The following FBL variants were observed in gnomAD, a reference collection of about 807,000 sequenced individuals.
FBL encodes the protein fibrillarin rRNA 2'-O-methyltransferase.
In FBL, 10 loss-of-function variants were observed where a neutral mutation model predicts 42.2. The observed-to-expected ratio is 0.24, with a 90% CI of 0.15 to 0.40. The LOEUF (loss-of-function observed/expected upper bound fraction) is 0.40. FBL is among the 10% of genes least tolerant of loss of function. FBL has a pLI of 1.00. For synonymous variants in FBL, 165 were observed against 165.4 expected, an observed-to-expected ratio of 1.00 and a Z score of 0.02; for missense variants, 351 against 439.2, an observed-to-expected ratio of 0.80 and a Z score of 1.79.
rs1969129384 is a variant in FBL, at chr19:39,840,092, T to G, written c.378+141A>C. 1 of 651,248 alleles carries G rather than the reference T, an allele frequency of 1.5e-6. No individual in the cohort carries two copies. The highest frequency in any genetic ancestry group is 2.5e-5 in the Admixed American group (1 of 40,128). 40.3% of individuals were successfully genotyped at this position (651,248 alleles called of 1,614,324 possible). On this transcript the variant is annotated intron_variant, in intron 4 of 8. Transcript: ENST00000221801. The surrounding 1 kb of genome is among the most constrained non-coding windows in gnomAD (Gnocchi z 4.5). ...GCCGTGGGGAGTCACAGAAGGCGGA[T>G]GAGGGAGCAGACAGTGTGGTTTACA...
intron 7 of FBL, among the ~76,000 whole-genome samples, chr19:39,836,103 T>G (rs1969042542): frequency 6.6e-6 from 1 of 152,036 alleles, no homozygotes; most frequent in Admixed American, 6.6e-5. Flanking sequence ...AAAACAAATG[T>G]AGCAAAAGGC....
In FBL at chr19:39,834,798, A is replaced by C; in HGVS notation, c.811T>G (p.Ser271Ala). ...AACACGGCCTCGGCTGAGGCTGTGG[A>C]GTCAATGCAGTTGGCCTAAAGAGGA... The part of the protein sequence containing the change: ...VISIKANCID[S>A]TASAEAVFAS... Residue 271 changes from serine (S) to alanine (A), a missense_variant, in exon 8 of 9, where the codon TCC becomes GCC. Coordinates refer to ENST00000221801, the MANE Select transcript of FBL (RefSeq NM_001436.4). The C allele has an allele frequency of 6.2e-7, 1 of 1,614,176 alleles. No homozygotes were observed. The highest frequency in any genetic ancestry group is 1.1e-5 in the South Asian group (1 of 91,086).
intron 6 of FBL, 99 bp from the exon 7 acceptor site, chr19:39,836,767 T>G: frequency 1.2e-6 from 1 of 828,652 alleles, no homozygotes; most frequent in Non-Finnish European, 1.9e-6. Flanking sequence ...TCCTGGGAGA[T>G]TCTCCCTGCC....
chr19:39,840,871 G>C lies in FBL; in HGVS notation c.11-84C>G. The C allele has an allele frequency of 7.7e-7, 1 of 1,291,222 alleles. No individual in the cohort carries two copies. The highest frequency in any genetic ancestry group is 1.0e-6 in the Non-Finnish European group (1 of 958,638). The allele number at this position is 1,291,222 out of a possible 1,614,324, so 80.0% of individuals were successfully genotyped here. On this transcript the variant is annotated intron_variant, in intron 1 of 8. Transcript: ENST00000221801. This position sits in a 1 kb window ranked among gnomAD's most constrained non-coding sequence, Gnocchi z 4.5. ...GTACCCAGCAATACCTCTCAGGTGAGAAACCTGAAATACATGTGCCCGTGT... is the reference window on the plus strand; with the variant it reads ...GTACCCAGCAATACCTCTCAGGTGACAAACCTGAAATACATGTGCCCGTGT...
chr19:39,835,963 A>G (rs1413327076), intron 7 of FBL, among the ~76,000 whole-genome samples: 1 of 151,924 alleles, frequency 6.6e-6, no homozygotes, highest in Non-Finnish European at 1.5e-5. Context: ...TTTGTTTTGG[A>G]TTTGAAGCAG....
rs185334586 is a variant in FBL at position 39,840,705 on chromosome 19, G to A, written c.93C>T (p.Gly31=). 173 of 1,584,814 alleles carry A rather than the reference G, an allele frequency of 1.1e-4. No individual in the cohort carries two copies. The highest frequency in any genetic ancestry group is 1.4e-4 in the Non-Finnish European group (166 of 1,166,160). The part of the protein sequence containing the change: ...RGGRGGRGGF[G]GGRGRGGGFR... ...AGCCTCCGCCTCGACCTCGGCCCCC[G>A]CCAAAGCCCCCTCGGCCTCCACGAC... Residue 31 remains glycine, a synonymous_variant, in exon 2 of 9, where the codon GGC becomes GGT. Transcript: ENST00000221801. The surrounding 1 kb of genome is among the most constrained non-coding windows in gnomAD (Gnocchi z 4.5).
Position 39,840,793 on chromosome 19 carries a change from G to T in FBL, c.11-6C>A. The T allele has an allele frequency of 6.5e-7, 1 of 1,536,942 alleles. No homozygotes were observed. Among genetic ancestry groups the T allele is most frequent in the East Asian group, 2.4e-5 (1 of 42,224 alleles). On this transcript the variant is annotated splice_region_variant and splice_polypyrimidine_tract_variant and intron_variant, in intron 1 of 8. Transcript: ENST00000221801. The surrounding 1 kb of genome is among the most constrained non-coding windows in gnomAD (Gnocchi z 4.5). ...ACCCCCACGGGGACTGAATCCTGTG[G>T]GGGAAACAAAACAGGAGTCAGGGCA...
rs775468086 is a variant in FBL, at chr19:39,840,372, C to A, written c.283+42G>T. Reference sequence around the variant, plus strand: ...CAGGGGTGAGGACCCCCAGCCTCTCCCTGCCCCGAAGCTCAGCCGGCTCCC... The same window carrying A: ...CAGGGGTGAGGACCCCCAGCCTCTCACTGCCCCGAAGCTCAGCCGGCTCCC... On this transcript the variant is annotated intron_variant, in intron 3 of 8. Transcript: ENST00000221801. The surrounding 1 kb of genome is among the most constrained non-coding windows in gnomAD (Gnocchi z 4.5). The A allele has an allele frequency of 6.2e-7, 1 of 1,612,886 alleles. No homozygotes were observed. The highest frequency in any genetic ancestry group is 1.7e-5 in the Admixed American group (1 of 60,030).
intron 1 of FBL, among the ~76,000 whole-genome samples, chr19:39,841,904 C>T (rs1324026546): frequency 6.6e-6 from 1 of 152,228 alleles, no homozygotes; most frequent in Non-Finnish European, 1.5e-5. Context: ...GGACAACAAA[C>T]ACCATTAGCA....
intron 1 of FBL, among the ~76,000 whole-genome samples, chr19:39,844,723 C>A (rs1481497563): frequency 2.0e-5 from 3 of 152,192 alleles, no homozygotes; most frequent in Non-Finnish European, 4.4e-5. Context: ...AAGCTTCCCA[C>A]CAATGTGCCT....
chr19:39,843,688 T>C (rs1282786636), intron 1 of FBL, among the ~76,000 whole-genome samples: 2 of 152,160 alleles, frequency 1.3e-5, no homozygotes, highest in Non-Finnish European at 2.9e-5. Flanking sequence ...CAAGCATCAA[T>C]TGAACACAGG....
At position 39,840,201 on chromosome 19, in the gene FBL, C is replaced by G. The variant is rs368067848; in HGVS notation, c.378+32G>C. ...TACTGGCTACACCCTCAGCTGCGAC[C>G]CTGGTGGCTTGGACAGGGGCCCAGT... On this transcript the variant is annotated intron_variant, in intron 4 of 8. Coordinates refer to ENST00000221801, the MANE Select transcript of FBL (RefSeq NM_001436.4). This position sits in a 1 kb window ranked among gnomAD's most constrained non-coding sequence, Gnocchi z 4.5. 2.6e-6 allele frequency: 4 copies of G among 1,521,232 alleles called. No individual in the cohort carries two copies. In the African/African-American group the frequency reaches 4.1e-5, roughly 16 times the overall value. The allele number at this position is 1,521,232 out of a possible 1,614,324, so 94.2% of individuals were successfully genotyped here.
chr19:39,840,891 C>G lies in FBL; in HGVS notation c.11-104G>C, dbSNP rs1302688721. 1.8e-6 allele frequency: 2 copies of G among 1,102,074 alleles called. No homozygotes were observed. The highest frequency in any genetic ancestry group is 3.2e-5 in the African/African-American group (2 of 63,164). 68.3% of individuals were successfully genotyped at this position (1,102,074 alleles called of 1,614,324 possible). On this transcript the variant is annotated intron_variant, in intron 1 of 8. Coordinates refer to ENST00000221801, the MANE Select transcript of FBL (RefSeq NM_001436.4). This position sits in a 1 kb window ranked among gnomAD's most constrained non-coding sequence, Gnocchi z 4.5. ...GGTGAGAAACCTGAAATACATGTGC[C>G]CGTGTACAGCAGGACACATTTCCAA...
At position 39,840,479 on chromosome 19, in the gene FBL, C is replaced by A; in HGVS notation, c.218G>T (p.Gly73Val). 6.2e-7 allele frequency: 1 copy of A among 1,614,188 alleles called. No individual in the cohort carries two copies. The highest frequency in any genetic ancestry group is 2.2e-5 in the East Asian group (1 of 44,884). Residue 73 changes from glycine to valine, a missense_variant, in exon 3 of 9, where the codon GGT becomes GTT. Transcript: ENST00000221801. The surrounding 1 kb of genome is among the most constrained non-coding windows in gnomAD (Gnocchi z 4.5). Reference protein sequence around the residue: ...GFHSGGNRGRGRGGKRGNQSG... With the variant: ...GFHSGGNRGRVRGGKRGNQSG... Reference sequence around the variant, plus strand: ...CTGGTTTCCTCTTTTTCCTCCCCGACCACGACCCCGGTTGCCACCAGAATG... The same window carrying A: ...CTGGTTTCCTCTTTTTCCTCCCCGAACACGACCCCGGTTGCCACCAGAATG...
rs145491904 is a variant in FBL, at chr19:39,840,727, C to G, written c.71G>C (p.Arg24Pro). ...CCCGCCAAAGCCCCCTCGGCCTCCA[C>G]GACCACCACGGTCACCAAAGCCCCC... ...GRGGFGDRGG[R>P]GGRGGFGGGR... The change falls in exon 2 of 9, where the codon CGT (arginine) becomes CCT (proline). Residue 24 changes from arginine to proline, a missense_variant. By Grantham distance (103) the Arg-to-Pro change is moderately radical. Transcript: ENST00000221801. The surrounding 1 kb of genome is among the most constrained non-coding windows in gnomAD (Gnocchi z 4.5). 1.2e-5 allele frequency: 19 copies of G among 1,577,174 alleles called. No individual in the cohort carries two copies. Among genetic ancestry groups the G allele is most frequent in the East Asian group, 4.7e-5 (2 of 42,704 alleles).
chr19:39,839,167 G>C lies in FBL; in HGVS notation c.417C>G (p.Pro139=), dbSNP rs764944229. The change falls in exon 5 of 9, where the codon CCC becomes CCG. Residue 139 remains proline, a synonymous_variant. Transcript: ENST00000221801. ...TTGCTGCTGCTAGCTTGGAGCGGAAGGGGTTCCAGGCTCGGTACTCAATTT... is the reference window on the plus strand; with the variant it reads ...TTGCTGCTGCTAGCTTGGAGCGGAACGGGTTCCAGGCTCGGTACTCAATTT... ...DDKIEYRAWN[P]FRSKLAAAIL... is the part of the protein sequence containing the mutation. 60 of 1,613,670 alleles carry C rather than the reference G, an allele frequency of 3.7e-5. No homozygotes were observed. The highest frequency in any genetic ancestry group is 2.3e-4 in the Admixed American group (14 of 59,918).
chr19:39,840,274 G>C lies in FBL; in HGVS notation c.337C>G (p.Pro113Ala). 6.2e-7 allele frequency: 1 copy of C among 1,614,066 alleles called. No homozygotes were observed. The highest frequency in any genetic ancestry group is 1.1e-5 in the South Asian group (1 of 91,080). The change falls in exon 4 of 9, where the codon CCT becomes GCT. Residue 113 changes from proline to alanine, a missense_variant. Pro to Ala is a conservative substitution (Grantham distance 27). Coordinates refer to ENST00000221801, the MANE Select transcript of FBL (RefSeq NM_001436.4). The surrounding 1 kb of genome is among the most constrained non-coding windows in gnomAD (Gnocchi z 4.5). The part of the protein sequence containing the change: ...EDALVTKNLV[P>A]GESVYGEKRV... ...TTCTCTCCATAAACTGATTCCCCAG[G>C]GACCAGGTTCTTGGTGACCAGTGCA...
At position 39,840,438 on chromosome 19, in the gene FBL, T is replaced by C. The variant is rs1447588322; in HGVS notation, c.259A>G (p.Met87Val). ...CCCTCATGCCGATGCGGCTCCACCA[T>C]CACATTCTTCCCCGACTGGTTTCCT... Reference protein sequence around the residue: ...KRGNQSGKNVMVEPHRHEGVF... With the variant: ...KRGNQSGKNVVVEPHRHEGVF... Residue 87 changes from methionine (M) to valine (V), a missense_variant, in exon 3 of 9, where the codon ATG becomes GTG. Met to Val is a conservative substitution (Grantham distance 21, BLOSUM62 1). Coordinates refer to ENST00000221801, the MANE Select transcript of FBL (RefSeq NM_001436.4). This position sits in a 1 kb window ranked among gnomAD's most constrained non-coding sequence, Gnocchi z 4.5. 6.2e-7 allele frequency: 1 copy of C among 1,613,906 alleles called. No homozygotes were observed. Among genetic ancestry groups the C allele is most frequent in the Non-Finnish European group, 8.5e-7 (1 of 1,180,004 alleles).
intron 1 of FBL, among the ~76,000 whole-genome samples, chr19:39,843,982 T>A (rs1969211718): frequency 6.6e-6 from 1 of 151,734 alleles, no homozygotes; most frequent in African/African-American, 2.4e-5. Context: ...CTTTTCCAGT[T>A]AGTTCTTTTT....
Sources: gnomAD v4.1 joint callset for allele counts (sites outside exome capture counted in the v4.1 genomes callset) on GRCh38, gnomAD v4.1.1 for gene constraint, Gnocchi (gnomAD v3.1) non-coding constraint, MANE v1.5 for transcripts, NCBI Gene and HGNC (gene_info 2026-07-23, HGNC 2026-07-21) for gene names.